VGLL4: variants seen among roughly 807,000 people sequenced by gnomAD.
VGLL4 encodes transcription cofactor vestigial-like protein 4.
In VGLL4, 7 loss-of-function variants were observed where a neutral mutation model predicts 21.0. The observed-to-expected ratio is 0.33, with a 90% CI of 0.19 to 0.63. The LOEUF (loss-of-function observed/expected upper bound fraction) is 0.63. VGLL4 is among the 20% of genes least tolerant of loss of function. The pLI, the probability that VGLL4 is intolerant of heterozygous loss-of-function variation, is 0.78. For missense variants in VGLL4, 394 were observed against 425.7 expected (o/e 0.93, Z 0.66); for synonymous variants, 222 against 173.2 (o/e 1.28, Z -2.21).
intron 1 of VGLL4, among the ~76,000 whole-genome samples, chr3:11,706,136 G>C (rs1559955587): frequency 6.6e-6 from 1 of 152,152 alleles, no homozygotes; most frequent in Non-Finnish European, 1.5e-5. Flanking sequence ...AAGCATAAAA[G>C]TATCAAATGA....
intron 1 of VGLL4, among the ~76,000 whole-genome samples, chr3:11,624,336 C>T (rs1362081132): frequency 6.6e-6 from 1 of 152,132 alleles, no homozygotes; most frequent in Non-Finnish European, 1.5e-5. Flanking sequence ...TCAGCAGTGA[C>T]GTGGCACATG....
chr3:11,710,638 T>TA, intron 1 of VGLL4: 1 of 152,252 alleles, frequency 6.6e-6, no homozygotes. Flanking sequence ...TAAAATACCC[T>TA]AATTCCTGTT....
chr3:11,691,890 A>G (rs1018799402), intron 2 of VGLL4, among the ~76,000 whole-genome samples: 5 of 151,504 alleles, frequency 3.3e-5, no homozygotes, highest in African/African-American at 1.2e-4. Context: ...GATGGCTGAC[A>G]GCACTGGAGA....
At position 11,676,413 on chromosome 3, in the gene VGLL4, A is replaced by ATAAT. The variant is rs1553742911; in HGVS notation, c.64+26557_64+26558insATTA. 3.0e-3 allele frequency among the ~76,000 whole-genome samples: 140 copies of ATAAT among 46,922 alleles called. 1 individual carries two copies. The highest frequency in any genetic ancestry group is 5.8e-3 in the African/African-American group (115 of 19,952). 30.8% of individuals were successfully genotyped at this position (46,922 alleles called of 152,430 possible). ...CTGTCTCAAAAAAAAAAAAAAAATA[A>ATAAT]AATAATAATAATAATAATAATAATA... On this transcript the variant is annotated intron_variant, in intron 2 of 5. Coordinates refer to the VGLL4 transcript ENST00000273038.
chr3:11,570,669 C>A (rs2073739178), intron 2 of VGLL4, among the ~76,000 whole-genome samples: 1 of 152,202 alleles, frequency 6.6e-6, no homozygotes, highest in African/African-American at 2.4e-5. Context: ...GAGAAAATGA[C>A]TGGTGGCAAA....
chr3:11,678,150 G>A (rs2076321070), intron 2 of VGLL4, among the ~76,000 whole-genome samples: 1 of 152,028 alleles, frequency 6.6e-6, no homozygotes. Context: ...CACCTCCTGG[G>A]TTCAAGTGAT....
chr3:11,716,650 T>C (rs759721486), intron 1 of VGLL4, among the ~76,000 whole-genome samples: 8 of 152,242 alleles, frequency 5.3e-5, no homozygotes, highest in Admixed American at 1.3e-4. Flanking sequence ...GTTTTCTCTC[T>C]TTGCAAAAGT....
chr3:11,558,151 G>T lies in VGLL4; in HGVS notation c.*405C>A. ...CCGAACCAAACACGCCGTGGAAGCT[G>T]AGCCACACACACCCCGGTCTCAAGA... On this transcript the variant is annotated 3_prime_UTR_variant, in exon 5 of 5. Transcript: ENST00000430365. 1 of 241,176 alleles carries T rather than the reference G, an allele frequency of 4.1e-6. No individual in the cohort carries two copies. Among genetic ancestry groups the T allele is most frequent in the Non-Finnish European group, 8.1e-6 (1 of 123,004 alleles). The allele number at this position is 241,176 out of a possible 1,614,324, so 14.9% of individuals were successfully genotyped here.
intron 1 of VGLL4, among the ~76,000 whole-genome samples, chr3:11,707,459 G>A (rs1197050981): frequency 6.6e-6 from 1 of 151,534 alleles, no homozygotes; most frequent in African/African-American, 2.4e-5. Flanking sequence ...GCAAGATAAG[G>A]ACAATACAGC....
At chr3:11,647,815 A>T (rs185605552), upstream of VGLL4, among the ~76,000 whole-genome samples, 37 of 152,318 alleles carry the variant, frequency 2.4e-4, 1 homozygote, top group Admixed American at 2.0e-3. Flanking sequence ...TAAAATCAGT[A>T]AACATCTAAA....
intron 2 of VGLL4, among the ~76,000 whole-genome samples, chr3:11,667,842 C>CTTT (rs746416276): frequency 0.038 from 2,622 of 69,488 alleles, 11 homozygotes; most frequent in Non-Finnish European, 0.052. Flanking sequence ...CTATCTTCTT[C>CTTT]TTTTTTTTTT....
At chr3:11,680,361 C>A (rs1435355312) in intron 2 of VGLL4, among the ~76,000 whole-genome samples, 1 of 152,202 alleles carries the variant, frequency 6.6e-6, no homozygotes, top group Non-Finnish European at 1.5e-5. Flanking sequence ...TATCCCCAGA[C>A]ACCACCAAAT....
chr3:11,631,602 C>G (rs187141645), intron 1 of VGLL4, among the ~76,000 whole-genome samples: 1 of 152,158 alleles, frequency 6.6e-6, no homozygotes, highest in Non-Finnish European at 1.5e-5. Flanking sequence ...TGCACCGTAA[C>G]TGCTATAAAG....
chr3:11,578,629 T>C (rs2074128221), intron 2 of VGLL4, among the ~76,000 whole-genome samples: 1 of 148,580 alleles, frequency 6.7e-6, no homozygotes, highest in East Asian at 2.0e-4. Flanking sequence ...AATAAATAAA[T>C]AAACCCCAAA....
intron 1 of VGLL4, among the ~76,000 whole-genome samples, chr3:11,631,845 T>A (rs889483383): frequency 3.3e-5 from 5 of 152,188 alleles, no homozygotes; most frequent in African/African-American, 1.2e-4. Flanking sequence ...TTATCCCAAT[T>A]AAGCCCCAGG....
At chr3:11,614,320 C>G (rs1339218867) in intron 1 of VGLL4, among the ~76,000 whole-genome samples, 2 of 152,238 alleles carry the variant, frequency 1.3e-5, no homozygotes, top group East Asian at 3.9e-4. Flanking sequence ...GCTGCTGGCT[C>G]CAACTCAAAA....
chr3:11,564,679 T>C (rs2073363065), intron 3 of VGLL4, 118 bp downstream of exon 3: 2 of 1,239,868 alleles, frequency 1.6e-6, no homozygotes, highest in Admixed American at 4.5e-5. Flanking sequence ...ACCACCTCCC[T>C]CCCTCACCAC....
rs190797128 is a variant in VGLL4 at position 11,691,278 on chromosome 3, T to C, written c.64+11693A>G. 1.5e-4 allele frequency among the ~76,000 whole-genome samples: 23 copies of C among 150,644 alleles called. 1 individual carries two copies. In the East Asian group the frequency reaches 3.9e-3, roughly 25 times the overall value. ...CTGACCAATCCTGGCAAGAGGACTA[T>C]TGTCTCACTCACATGGAATTTTAAA... On this transcript the variant is annotated intron_variant, in intron 2 of 5. Transcript: ENST00000273038.
chr3:11,581,162 G>A (rs541782785), intron 2 of VGLL4, among the ~76,000 whole-genome samples: 77 of 151,814 alleles, frequency 5.1e-4, no homozygotes, highest in Admixed American at 9.2e-4. Context: ...TGCCTCCTGG[G>A]TTCAAGTGAT....
Sources: allele counts gnomAD v4.1 joint callset (sites outside exome capture counted in the v4.1 genomes callset), GRCh38; gene constraint gnomAD v4.1.1; transcripts MANE v1.5; gene names NCBI Gene and HGNC (gene_info 2026-07-23, HGNC 2026-07-21).